The following SEPHS1 variants were observed in gnomAD, a reference collection of about 807,000 sequenced individuals.
SEPHS1 encodes selenophosphate synthetase 1.
SEPHS1 carries 7 observed loss-of-function variants against 39.2 expected under a neutral mutation model. That is an observed-to-expected ratio of 0.18 (90% CI 0.10 to 0.34). The LOEUF is 0.34. Ranked by LOEUF, SEPHS1 falls within the 10% of genes least tolerant of loss-of-function variation. The probability of loss-of-function intolerance (pLI) is 1.00; values close to 1 mark genes in which losing one functional copy is unlikely to be tolerated. For synonymous variants in SEPHS1, 190 were observed against 195.5 expected (o/e 0.97, Z 0.23); for missense variants, 253 against 514.5 (o/e 0.49, Z 4.92).
At chr10:13,347,766 C>T (rs1439098772) in intron 1 of SEPHS1, among the ~76,000 whole-genome samples, 16 of 142,910 alleles carry the variant, frequency 1.1e-4, no homozygotes, top group African/African-American at 4.0e-4. Flanking sequence ...TCCCTCCCTC[C>T]TTCCCCGGCC....
Position 13,323,024 on chromosome 10 carries a change from T to C in SEPHS1, c.775A>G (p.Asn259Asp). The change falls in exon 8 of 9, where the codon AAT (asparagine) becomes GAT (aspartate). Residue 259 changes from asparagine (N) to aspartate (D), a missense_variant. Transcript: ENST00000327347. ...RTAAGLMHTF[N>D]AHAATDITGF... is the part of the protein sequence containing the mutation. ...GTGATGTCAGTGGCGGCGTGGGCATTGAACGTGTGCATGAGTCCTGCAGCT... is the reference window on the plus strand; with the variant it reads ...GTGATGTCAGTGGCGGCGTGGGCATCGAACGTGTGCATGAGTCCTGCAGCT... 1 of 1,614,026 alleles carries C rather than the reference T, an allele frequency of 6.2e-7. No homozygotes were observed. The highest frequency in any genetic ancestry group is 8.5e-7 in the Non-Finnish European group (1 of 1,179,984).
chr10:13,317,810 T>C lies in SEPHS1; in HGVS notation c.*1332A>G, dbSNP rs1002941979. 2 of 152,196 alleles carry C rather than the reference T, an allele frequency of 1.3e-5. No individual in the cohort carries two copies. The highest frequency in any genetic ancestry group is 2.9e-5 in the Non-Finnish European group (2 of 68,032). 9.4% of individuals were successfully genotyped at this position (152,196 alleles called of 1,614,324 possible). A position where few individuals can be genotyped will look rare whatever the true frequency, so the allele number is the denominator to read the frequency against. ...ATGGGCACTTGAGGATCCAGCGCCC[T>C]TGTGCTTAATGACAGGAATCCCTCC... On this transcript the variant is annotated 3_prime_UTR_variant, in exon 9 of 9. Transcript: ENST00000327347.
intron 5 of SEPHS1, 91 bp downstream of exon 5, chr10:13,333,726 C>A: frequency 1.5e-6 from 2 of 1,319,844 alleles, no homozygotes; most frequent in African/African-American, 1.5e-5. Flanking sequence ...ATGTGTGAGC[C>A]ACTGCACCTG....
chr10:13,326,772 G>A (rs935212935), intron 7 of SEPHS1, among the ~76,000 whole-genome samples: 2 of 152,116 alleles, frequency 1.3e-5, no homozygotes, highest in African/African-American at 2.4e-5. Flanking sequence ...GGACTCAAGT[G>A]ATCCTCCTGC....
chr10:13,336,383 C>G (rs780290435), intron 3 of SEPHS1, 33 bp from the exon 4 acceptor site: 1 of 1,516,638 alleles, frequency 6.6e-7, no homozygotes, highest in African/African-American at 1.4e-5. Context: ...GAAAGGACGA[C>G]CGGGGACTTT....
At position 13,342,399 on chromosome 10, in the gene SEPHS1, C is replaced by T. The variant is rs1588549129; in HGVS notation, c.193+2359G>A. The stretch of plus-strand genomic sequence containing the variant: ...AGCTTGAGACCAGCCTGGCCAACAC[C>T]TTGAAACCCCGTCTCTACTAAAAAC... On this transcript the variant is annotated intron_variant, in intron 2 of 8. Coordinates refer to ENST00000327347, the MANE Select transcript of SEPHS1 (RefSeq NM_012247.5). 2.0e-5 allele frequency among the ~76,000 whole-genome samples: 3 copies of T among 151,242 alleles called. No individual in the cohort carries two copies. In the East Asian group the frequency reaches 5.9e-4, roughly 30 times the overall value.
rs532814992 is a variant in SEPHS1 at position 13,334,140 on chromosome 10, G to A, written c.406-169C>T. ...GGGCCAGGCATAATCGCTCACGCCT[G>A]TAATCCCAGCACTTTGGGAGTCCGA... On this transcript the variant is annotated intron_variant, in intron 4 of 8. Coordinates refer to ENST00000327347, the MANE Select transcript of SEPHS1 (RefSeq NM_012247.5). 5.3e-5 allele frequency among the ~76,000 whole-genome samples: 8 copies of A among 152,328 alleles called. No homozygotes were observed. The East Asian group carries it at 1.5e-3, about 29-fold the overall frequency.
In SEPHS1 at chr10:13,348,279, T is replaced by A. The variant is rs1420742725; in HGVS notation, c.-358A>T. On this transcript the variant is annotated 5_prime_UTR_variant, in exon 1 of 9. Transcript: ENST00000327347. ...CCCTTTAAGAGGCGGCCCTGGCTGC[T>A]GGGTGGCGGCGTGCGGCCCGGGAAG... is the stretch of plus-strand genomic sequence containing the variant. 2 of 145,966 alleles carry A rather than the reference T, an allele frequency of 1.4e-5. No homozygotes were observed. Among genetic ancestry groups the A allele is most frequent in the African/African-American group, 2.6e-5 (1 of 39,096 alleles). The allele number at this position is 145,966 out of a possible 1,614,324, so 9.0% of individuals were successfully genotyped here. A position where few individuals can be genotyped will look rare whatever the true frequency, so the allele number is the denominator to read the frequency against.
rs1310209943 is a variant in SEPHS1, at chr10:13,318,477, T to C, written c.*665A>G. 1 of 152,642 alleles carries C rather than the reference T, an allele frequency of 6.6e-6. No homozygotes were observed. Among genetic ancestry groups the C allele is most frequent in the African/African-American group, 2.4e-5 (1 of 41,442 alleles). The allele number at this position is 152,642 out of a possible 1,614,324, so 9.5% of individuals were successfully genotyped here. A position where few individuals can be genotyped will look rare whatever the true frequency, so the allele number is the denominator to read the frequency against. ...TTGCTATCGATAAAACAGTTAATGG[T>C]ATTACTGTAAATATCAGGAAGGCTA... On this transcript the variant is annotated 3_prime_UTR_variant, in exon 9 of 9. Coordinates refer to ENST00000327347, the MANE Select transcript of SEPHS1 (RefSeq NM_012247.5).
rs1564439859 is a variant in SEPHS1, at chr10:13,319,104, T to A, written c.*38A>T. ...ATTGAAGTGATAAGGGAAATAGATC[T>A]ATTTAAAAACAAAACCAAACAGCTA... On this transcript the variant is annotated 3_prime_UTR_variant, in exon 9 of 9. Transcript: ENST00000327347. 6.9e-6 allele frequency: 11 copies of A among 1,582,876 alleles called. No homozygotes were observed. Among genetic ancestry groups the A allele is most frequent in the Non-Finnish European group, 9.5e-6 (11 of 1,155,516 alleles).
At chr10:13,327,688 T>TTCA (rs1833346701) in intron 7 of SEPHS1, among the ~76,000 whole-genome samples, 1 of 152,134 alleles carries the variant, frequency 6.6e-6, no homozygotes, top group Non-Finnish European at 1.5e-5. Flanking sequence ...CCAGTACTGA[T>TTCA]CTCTTACACG....
intron 3 of SEPHS1, among the ~76,000 whole-genome samples, chr10:13,338,316 G>A (rs960656624): frequency 2.6e-5 from 4 of 152,184 alleles, no homozygotes; most frequent in African/African-American, 9.7e-5. Flanking sequence ...TATTACAGAG[G>A]ACAGTAACAT....
chr10:13,324,922 T>C (rs778328214), intron 7 of SEPHS1, among the ~76,000 whole-genome samples: 2 of 152,256 alleles, frequency 1.3e-5, no homozygotes, highest in African/African-American at 2.4e-5. Context: ...CGTACCACAC[T>C]GAAGGTTTCC....
intron 1 of SEPHS1, among the ~76,000 whole-genome samples, chr10:13,347,780 C>CGCGCG (rs983208290): frequency 7.2e-5 from 10 of 138,388 alleles, no homozygotes; most frequent in Non-Finnish European, 1.4e-4. Flanking sequence ...CCCGGCCCCG[C>CGCGCG]GCGGCGGCGG....
chr10:13,322,552 G>A (rs186146770), intron 8 of SEPHS1, among the ~76,000 whole-genome samples: 1 of 152,310 alleles, frequency 6.6e-6, no homozygotes, highest in East Asian at 1.9e-4. Flanking sequence ...CAAATGCGAA[G>A]CTTTCAGTAA....
chr10:13,330,020 C>G (rs1833419007), intron 5 of SEPHS1, among the ~76,000 whole-genome samples: 1 of 152,216 alleles, frequency 6.6e-6, no homozygotes, highest in African/African-American at 2.4e-5. Context: ...TTTCTGTAAC[C>G]CCAGCACTTT....
intron 1 of SEPHS1, among the ~76,000 whole-genome samples, chr10:13,347,531 C>A (rs1833962140): frequency 6.9e-6 from 1 of 145,686 alleles, no homozygotes; most frequent in African/African-American, 2.5e-5. Context: ...ACCGCGCGTG[C>A]GGCCCAGGAG....
At chr10:13,339,572 C>T (rs1203704017) in intron 2 of SEPHS1, among the ~76,000 whole-genome samples, 1 of 151,586 alleles carries the variant, frequency 6.6e-6, no homozygotes, top group Non-Finnish European at 1.5e-5. Flanking sequence ...AGCCCTACAC[C>T]CCTCAGAAGG....
chr10:13,325,524 T>C (rs924788346), intron 7 of SEPHS1, among the ~76,000 whole-genome samples: 5 of 152,178 alleles, frequency 3.3e-5, no homozygotes. Context: ...AGAACCTAGG[T>C]GCCTGTTTCC....
Sources: allele counts gnomAD v4.1 joint callset (sites outside exome capture counted in the v4.1 genomes callset), GRCh38; gene constraint gnomAD v4.1.1; transcripts MANE v1.5; gene names NCBI Gene and HGNC (gene_info 2026-07-23, HGNC 2026-07-21).